Variants in DNAJC3 observed in about 807,000 individuals in gnomAD.
DNAJC3 encodes dnaJ homolog subfamily C member 3.
Under a neutral mutation model 68.6 loss-of-function variants are expected in DNAJC3, and 38 were observed. That is an observed-to-expected ratio of 0.55 (90% CI 0.43 to 0.73). The LOEUF (loss-of-function observed/expected upper bound fraction) is 0.73. Ranked by LOEUF, DNAJC3 falls within the 30% of genes least tolerant of loss-of-function variation. The probability of loss-of-function intolerance (pLI) is 0.00; values close to 1 mark genes in which losing one functional copy is unlikely to be tolerated. For synonymous variants in DNAJC3, 203 were observed against 204.0 expected, an observed-to-expected ratio of 1.00 and a Z score of 0.04; for missense variants, 526 against 591.9, an observed-to-expected ratio of 0.89 and a Z score of 1.16.
chr13:95,731,754 C>T (rs1164671768), intron 4 of DNAJC3, among the ~76,000 whole-genome samples: 2 of 152,002 alleles, frequency 1.3e-5, no homozygotes, highest in African/African-American at 4.8e-5. Context: ...TCGCTGCAGC[C>T]TCAACCTGCT....
chr13:95,735,265 A>T (rs1171962610), intron 4 of DNAJC3, among the ~76,000 whole-genome samples: 1 of 116,408 alleles, frequency 8.6e-6, no homozygotes, highest in African/African-American at 3.5e-5. Context: ...ATTGTGAATA[A>T]TGCCGCAATA....
chr13:95,681,642 A>G (rs1442521591), intron 1 of DNAJC3, among the ~76,000 whole-genome samples: 2 of 152,206 alleles, frequency 1.3e-5, no homozygotes, highest in Non-Finnish European at 2.9e-5. Flanking sequence ...GCACGAGCCA[A>G]TGCACCTGGC....
intron 4 of DNAJC3, among the ~76,000 whole-genome samples, chr13:95,732,076 T>G (rs936718425): frequency 1.3e-5 from 2 of 152,018 alleles, no homozygotes; most frequent in African/African-American, 4.8e-5. Context: ...TGGATTCATT[T>G]GCTAGTATTT....
intron 9 of DNAJC3, among the ~76,000 whole-genome samples, chr13:95,773,882 G>A (rs1272402636): frequency 1.3e-5 from 2 of 151,826 alleles, no homozygotes; most frequent in African/African-American, 4.8e-5. Flanking sequence ...GACTACAGGT[G>A]TGCACCACCA....
intron 9 of DNAJC3, among the ~76,000 whole-genome samples, chr13:95,781,389 C>T (rs1262648578): frequency 6.6e-6 from 1 of 152,084 alleles, no homozygotes; most frequent in East Asian, 1.9e-4. Flanking sequence ...ATAATGGCTT[C>T]CAGATCTGCT....
At chr13:95,788,096 A>G (rs1305391624) in intron 11 of DNAJC3, among the ~76,000 whole-genome samples, 1 of 152,200 alleles carries the variant, frequency 6.6e-6, no homozygotes, top group African/African-American at 2.4e-5. Context: ...ATAATCCAGT[A>G]AAGGAGACAG....
intron 4 of DNAJC3, among the ~76,000 whole-genome samples, chr13:95,754,703 T>C (rs1882597211): frequency 6.6e-6 from 1 of 152,114 alleles, no homozygotes; most frequent in Non-Finnish European, 1.5e-5. Flanking sequence ...TTATTCTGTT[T>C]GTTAAAAGGA....
intron 1 of DNAJC3, among the ~76,000 whole-genome samples, chr13:95,705,331 C>T (rs1219934515): frequency 1.3e-5 from 2 of 152,126 alleles, no homozygotes; most frequent in African/African-American, 4.8e-5. Flanking sequence ...CACCTAGTCT[C>T]TCATGGTTCA....
intron 2 of DNAJC3, among the ~76,000 whole-genome samples, chr13:95,711,426 G>A (rs1358048954): frequency 6.6e-6 from 1 of 151,968 alleles, no homozygotes; most frequent in Admixed American, 6.6e-5. Flanking sequence ...AGACCCAGGG[G>A]CCCGGAGGTT....
chr13:95,763,710 G>C lies in DNAJC3; in HGVS notation c.916G>C (p.Val306Leu). 1.9e-6 allele frequency: 3 copies of C among 1,614,016 alleles called. No individual in the cohort carries two copies. The highest frequency in any genetic ancestry group is 2.5e-6 in the Non-Finnish European group (3 of 1,179,930). ...AGAGCCAAGCATTGCTGAATATACA[G>C]TTCGTTCAAAGGAGAGGATTTGCCA... ...KTEPSIAEYT[V>L]RSKERICHCF... Residue 306 changes from valine to leucine, a missense_variant, in exon 8 of 12, where the codon GTT becomes CTT. Transcript: ENST00000602402.
intron 4 of DNAJC3, among the ~76,000 whole-genome samples, chr13:95,731,901 ATTTTTTTT>A (rs777968421): frequency 4.0e-5 from 5 of 123,948 alleles, no homozygotes; most frequent in East Asian, 2.2e-4. Flanking sequence ...CGCCTGGCTA[ATTTTTTTT>A]TTTTTTTTTT....
chr13:95,791,903 T>A lies in DNAJC3; in HGVS notation c.*873T>A, dbSNP rs763914034. 1 of 152,222 alleles carries A rather than the reference T, an allele frequency of 6.6e-6. No individual in the cohort carries two copies. The highest frequency in any genetic ancestry group is 1.5e-5 in the Non-Finnish European group (1 of 68,046). The allele number at this position is 152,222 out of a possible 1,614,324, so 9.4% of individuals were successfully genotyped here. The stretch of plus-strand genomic sequence containing the variant: ...AGGGAATTTCATGTAACAAGACTGG[T>A]TTAGAAACGTAAAGTTGCGCAGTCA... On this transcript the variant is annotated 3_prime_UTR_variant, in exon 12 of 12. Transcript: ENST00000602402.
intron 1 of DNAJC3, among the ~76,000 whole-genome samples, chr13:95,706,895 C>T (rs1880769100): frequency 6.6e-6 from 1 of 152,124 alleles, no homozygotes; most frequent in African/African-American, 2.4e-5. Context: ...ATTTGATTTT[C>T]AGCTAAATCA....
In DNAJC3 at chr13:95,787,199, T is replaced by G. The variant is rs781542314; in HGVS notation, c.1357+44T>G. 9 of 1,584,980 alleles carry G rather than the reference T, an allele frequency of 5.7e-6. No individual in the cohort carries two copies. In the South Asian group the frequency reaches 8.2e-5, roughly 14 times the overall value. ...CCTTTGACTCATCCTAGAGGTGGTG[T>G]TAGAAGCGAGGGTGGAACATGTGGT... On this transcript the variant is annotated intron_variant, in intron 11 of 11. Coordinates refer to ENST00000602402, the MANE Select transcript of DNAJC3 (RefSeq NM_006260.5).
chr13:95,735,655 T>G (rs1881885237), intron 4 of DNAJC3, among the ~76,000 whole-genome samples: 2 of 150,262 alleles, frequency 1.3e-5, no homozygotes, highest in Non-Finnish European at 3.0e-5. Flanking sequence ...TTCGCCCACT[T>G]TTTGATGGGG....
intron 2 of DNAJC3, among the ~76,000 whole-genome samples, chr13:95,716,111 T>A (rs1881136175): frequency 6.6e-6 from 1 of 152,188 alleles, no homozygotes; most frequent in East Asian, 2.0e-4. Flanking sequence ...TGAGTTGAGA[T>A]CATGCCATTG....
intron 4 of DNAJC3, among the ~76,000 whole-genome samples, chr13:95,744,286 T>A (rs1274687206): frequency 6.6e-6 from 1 of 152,240 alleles, no homozygotes; most frequent in African/African-American, 2.4e-5. Context: ...AATATTTTTG[T>A]GATTATTTCA....
chr13:95,771,433 G>A (rs1483531621), intron 9 of DNAJC3, among the ~76,000 whole-genome samples: 1 of 152,152 alleles, frequency 6.6e-6, no homozygotes, highest in African/African-American at 2.4e-5. Flanking sequence ...CTCCAGCAAG[G>A]ACAAATGGGG....
intron 4 of DNAJC3, among the ~76,000 whole-genome samples, chr13:95,735,014 T>C (rs1483177901): frequency 6.1e-4 from 87 of 143,082 alleles, no homozygotes; most frequent in South Asian, 2.7e-3. Flanking sequence ...TATTCCCCTT[T>C]CTGTGTCCAT....
Sources: allele counts gnomAD v4.1 joint callset (sites outside exome capture counted in the v4.1 genomes callset), GRCh38; gene constraint gnomAD v4.1.1; transcripts MANE v1.5; gene names NCBI Gene and HGNC (gene_info 2026-07-23, HGNC 2026-07-21).